DDX10: variants seen among roughly 807,000 people sequenced by gnomAD.
DDX10 encodes the protein DEAD-box helicase 10.
In DDX10, 74 loss-of-function variants were observed where a neutral mutation model predicts 104.3. The ratio of observed to expected loss-of-function variants is 0.71; its 90% CI spans 0.59 to 0.86. DDX10 has a LOEUF of 0.86. Among genes scored for constraint, DDX10 ranks in the 40% least tolerant of loss-of-function variants. The pLI is 0.00. For missense variants in DDX10, 952 were observed against 1,040.0 expected (o/e 0.92, Z 1.16); for synonymous variants, 351 against 353.4 (o/e 0.99, Z 0.08).
chr11:108,718,750 A>G (rs930700466), intron 11 of DDX10, among the ~76,000 whole-genome samples: 1 of 152,222 alleles, frequency 6.6e-6, no homozygotes, highest in Non-Finnish European at 1.5e-5. Flanking sequence ...GTTTCATAGA[A>G]GTGATTTTCT....
intron 16 of DDX10, among the ~76,000 whole-genome samples, chr11:108,874,285 G>C (rs1310345727): frequency 1.3e-5 from 2 of 152,130 alleles, no homozygotes; most frequent in Admixed American, 6.5e-5. Context: ...TTGAGAAACA[G>C]AATGAGCCCC....
At chr11:108,840,432 T>A (rs773707206) in intron 14 of DDX10, among the ~76,000 whole-genome samples, 12 of 152,234 alleles carry the variant, frequency 7.9e-5, no homozygotes, top group African/African-American at 2.9e-4. Flanking sequence ...GAGTTATTGT[T>A]GTCTGAATTG....
rs138434392 is a variant in DDX10 at position 108,829,232 on chromosome 11, T to C, written c.1966-9214T>C. Among the ~76,000 whole-genome samples, 334 of 152,340 alleles carry C rather than the reference T, an allele frequency of 2.2e-3. 3 individuals are homozygous for C. The highest frequency in any genetic ancestry group is 7.5e-3 in the African/African-American group (310 of 41,588). ...ATTCCCACCAACACTGTAAAAGTGT[T>C]CTCTTTTCACTGCATCCATGCCAAC... is the stretch of plus-strand genomic sequence containing the variant. On this transcript the variant is annotated intron_variant, in intron 13 of 17. Transcript: ENST00000322536.
At chr11:108,768,244 C>T (rs533766807) in intron 13 of DDX10, among the ~76,000 whole-genome samples, 5 of 152,214 alleles carry the variant, frequency 3.3e-5, no homozygotes, top group African/African-American at 9.6e-5. Flanking sequence ...GGAGAGTCAG[C>T]GCCCCTAATT....
At chr11:108,936,683 T>C (rs1156604560) in intron 17 of DDX10, among the ~76,000 whole-genome samples, 1 of 152,228 alleles carries the variant, frequency 6.6e-6, no homozygotes, top group Non-Finnish European at 1.5e-5. Flanking sequence ...ATCTCATTTC[T>C]AATTTTATAA....
intron 13 of DDX10, among the ~76,000 whole-genome samples, chr11:108,765,806 C>T (rs1453545419): frequency 6.6e-6 from 1 of 152,160 alleles, no homozygotes; most frequent in Admixed American, 6.5e-5. Context: ...GTGTTTTGCA[C>T]ATTACTTGGT....
chr11:108,688,875 T>G (rs1245838946), intron 6 of DDX10, 61 bp from the exon 7 acceptor site: 1 of 1,552,524 alleles, frequency 6.4e-7, no homozygotes, highest in Non-Finnish European at 8.7e-7. Context: ...CCTTTTTTGG[T>G]CTGGATTTCA....
chr11:108,775,980 G>A (rs2094369369), intron 13 of DDX10, among the ~76,000 whole-genome samples: 1 of 152,078 alleles, frequency 6.6e-6, no homozygotes, highest in Non-Finnish European at 1.5e-5. Flanking sequence ...CGTATCAGTA[G>A]GTACTTCATT....
rs573198320 is a variant in DDX10 at position 108,868,555 on chromosome 11, A to G, written c.2304+16346A>G. ...TTCTTTTTATAAAATGATGGTCACA[A>G]TCCACTGATGGCTTCATGATACACT... is the stretch of plus-strand genomic sequence containing the variant. On this transcript the variant is annotated intron_variant, in intron 16 of 17. Transcript: ENST00000322536. Among the ~76,000 whole-genome samples the G allele has an allele frequency of 2.6e-5, 4 of 152,244 alleles. No individual in the cohort carries two copies. The South Asian group carries it at 6.2e-4, about 24-fold the overall frequency.
intron 15 of DDX10, among the ~76,000 whole-genome samples, chr11:108,847,400 AAAAC>A (rs1374674817): frequency 1.3e-5 from 2 of 152,190 alleles, no homozygotes; most frequent in African/African-American, 4.8e-5. Context: ...AGAATAGAGA[AAAAC>A]AATTCATTAT....
intron 6 of DDX10, among the ~76,000 whole-genome samples, chr11:108,683,518 G>A (rs2094238429): frequency 6.6e-6 from 1 of 152,104 alleles, no homozygotes; most frequent in African/African-American, 2.4e-5. Flanking sequence ...ACCTGCCTTG[G>A]TAGCTCTCAG....
At chr11:108,698,526 G>A (rs1410898068) in intron 9 of DDX10, among the ~76,000 whole-genome samples, 1 of 152,192 alleles carries the variant, frequency 6.6e-6, no homozygotes, top group Non-Finnish European at 1.5e-5. Context: ...GAGGAGCTGG[G>A]GGAGAGTATA....
At chr11:108,773,478 C>A (rs2094365946) in intron 13 of DDX10, among the ~76,000 whole-genome samples, 1 of 152,080 alleles carries the variant, frequency 6.6e-6, no homozygotes, top group Admixed American at 6.5e-5. Context: ...TTGTTCTATT[C>A]TTCTACCAAA....
chr11:108,846,281 C>G (rs1258698444), intron 15 of DDX10, among the ~76,000 whole-genome samples: 1 of 152,092 alleles, frequency 6.6e-6, no homozygotes, highest in Non-Finnish European at 1.5e-5. Context: ...CATTTAAAAT[C>G]CATTCTTTTA....
At chr11:108,763,858 T>C (rs1006982320) in intron 13 of DDX10, among the ~76,000 whole-genome samples, 1 of 152,204 alleles carries the variant, frequency 6.6e-6, no homozygotes, top group Non-Finnish European at 1.5e-5. Flanking sequence ...AAGCTTAACA[T>C]TTTTGTGTAA....
intron 13 of DDX10, among the ~76,000 whole-genome samples, chr11:108,732,558 C>A (rs1730749566): frequency 6.6e-6 from 1 of 152,282 alleles, no homozygotes; most frequent in South Asian, 2.1e-4. Flanking sequence ...GCAAGGCCTT[C>A]TGGAATGCTG....
At chr11:108,766,234 A>G (rs574452499) in intron 13 of DDX10, among the ~76,000 whole-genome samples, 1 of 152,364 alleles carries the variant, frequency 6.6e-6, no homozygotes, top group Admixed American at 6.5e-5. Flanking sequence ...CTTAGGAAGA[A>G]GTAAATTAAC....
At chr11:108,679,179 C>G (rs1310676204) in intron 5 of DDX10, among the ~76,000 whole-genome samples, 192 bp from the exon 6 acceptor site, 1 of 152,098 alleles carries the variant, frequency 6.6e-6, no homozygotes, top group Non-Finnish European at 1.5e-5. Flanking sequence ...TAATGTCTTA[C>G]ATGACATGGT....
rs147280056 is a variant in DDX10, at chr11:108,935,585, A to AT, written c.2451-4652dup. ...TTTTATTTAAGATGACTGGTTCTTAATTTTTTTTTATTTGAGGGGAGGTGG... is the reference window on the plus strand; with the variant it reads ...TTTTATTTAAGATGACTGGTTCTTAATTTTTTTTTTATTTGAGGGGAGGTGG... On this transcript the variant is annotated intron_variant, in intron 17 of 17. Coordinates refer to ENST00000322536, the MANE Select transcript of DDX10 (RefSeq NM_004398.4). Among the ~76,000 whole-genome samples the AT allele has an allele frequency of 6.4e-3, 967 of 151,810 alleles. 10 individuals carry two copies. The highest frequency in any genetic ancestry group is 0.022 in the African/African-American group (912 of 41,466).
Sources: gnomAD v4.1 joint callset for allele counts (sites outside exome capture counted in the v4.1 genomes callset) on GRCh38, gnomAD v4.1.1 for gene constraint, MANE v1.5 for transcripts, NCBI Gene and HGNC (gene_info 2026-07-23, HGNC 2026-07-21) for gene names.